The following WIPI2 variants were observed in gnomAD, a reference collection of about 807,000 sequenced individuals.
The protein encoded by WIPI2 is WD repeat domain phosphoinositide-interacting protein 2.
In WIPI2, 28 loss-of-function variants were observed where a neutral mutation model predicts 52.3. That is an observed-to-expected ratio of 0.54 (90% CI 0.40 to 0.73). WIPI2 has a LOEUF of 0.73. WIPI2 is among the 30% of genes least tolerant of loss of function. WIPI2 has a pLI of 0.00. For missense variants in WIPI2, 506 were observed against 602.9 expected, an observed-to-expected ratio of 0.84 and a Z score of 1.68; for synonymous variants, 268 against 245.0, an observed-to-expected ratio of 1.09 and a Z score of -0.88.
intron 9 of WIPI2, 153 bp downstream of exon 9, chr7:5,226,083 TC>T: frequency 1.4e-6 from 1 of 701,874 alleles, no homozygotes; most frequent in Non-Finnish European, 2.4e-6. Context: ...CACCTCCGCA[TC>T]CAGGCTCGGC....
At chr7:5,191,105 C>T (rs1445702560) in intron 1 of WIPI2, among the ~76,000 whole-genome samples, 1 of 152,008 alleles carries the variant, frequency 6.6e-6, no homozygotes, top group South Asian at 2.1e-4. Context: ...CTGCAACCTC[C>T]GCCTCCTGGG....
Position 5,229,747 on chromosome 7 carries a change from C to T in WIPI2, c.1252+9C>T, listed in dbSNP as rs567220529. On this transcript the variant is annotated intron_variant, in intron 12 of 12. Coordinates refer to ENST00000288828, the MANE Select transcript of WIPI2 (RefSeq NM_015610.4). Reference sequence around the variant, plus strand: ...ATCCCCAACGAGACTTGGTAAGGGGCGTGACGCAAACCTGGAAGGTAATTA... The same window carrying T: ...ATCCCCAACGAGACTTGGTAAGGGGTGTGACGCAAACCTGGAAGGTAATTA... 11 of 1,613,238 alleles carry T rather than the reference C, an allele frequency of 6.8e-6. No individual in the cohort carries two copies. The highest frequency in any genetic ancestry group is 2.7e-5 in the African/African-American group (2 of 75,016).
In WIPI2 at chr7:5,227,383, C is replaced by T. The variant is rs755625785; in HGVS notation, c.1013+39C>T. On this transcript the variant is annotated intron_variant, in intron 10 of 12. Coordinates refer to ENST00000288828, the MANE Select transcript of WIPI2 (RefSeq NM_015610.4). The surrounding 1 kb of genome is among the most constrained non-coding windows in gnomAD (Gnocchi z 8.1). ...GCGCCTCCGTCCCCCACCCCGTGTG[C>T]CTCAGGCCGAGGGGCCCAGTCCTGG... The T allele has an allele frequency of 6.2e-7, 1 of 1,602,724 alleles. No individual in the cohort carries two copies. The highest frequency in any genetic ancestry group is 8.5e-7 in the Non-Finnish European group (1 of 1,176,868).
At chr7:5,229,145 A>T (rs1395944740) in intron 11 of WIPI2, among the ~76,000 whole-genome samples, 1 of 152,152 alleles carries the variant, frequency 6.6e-6, no homozygotes, top group African/African-American at 2.4e-5. Context: ...CCTCCCGAGT[A>T]GCTGGGATGA....
intron 9 of WIPI2, 149 bp downstream of exon 9, chr7:5,226,079 C>T (rs1783416823): frequency 4.2e-6 from 3 of 711,910 alleles, no homozygotes; most frequent in East Asian, 2.8e-5. Flanking sequence ...CGAGCACCTC[C>T]GCATCCAGGC....
At position 5,230,516 on chromosome 7, in the gene WIPI2, G is replaced by A. The variant is rs1012970342; in HGVS notation, c.1253-319G>A. ...ATGAGCCCACCCTGAGAGTCTCCTA[G>A]TGTCATTTTTTTTCCTGGTGTTATT... On this transcript the variant is annotated intron_variant, in intron 12 of 12. Transcript: ENST00000288828. This position sits in a 1 kb window ranked among gnomAD's most constrained non-coding sequence, Gnocchi z 4.8. Among the ~76,000 whole-genome samples the A allele has an allele frequency of 1.6e-4, 25 of 152,178 alleles. No homozygotes were observed. Among genetic ancestry groups the A allele is most frequent in the African/African-American group, 6.0e-4 (25 of 41,448 alleles).
chr7:5,196,782 T>C (rs1448540804), intron 2 of WIPI2, among the ~76,000 whole-genome samples: 1 of 152,002 alleles, frequency 6.6e-6, no homozygotes, highest in East Asian at 1.9e-4. Context: ...GTGACAACTG[T>C]CGGCAAAACA....
chr7:5,210,992 C>T (rs899700720), intron 3 of WIPI2, among the ~76,000 whole-genome samples: 16 of 152,158 alleles, frequency 1.1e-4, no homozygotes, highest in Non-Finnish European at 1.6e-4. Context: ...TAGGGATACT[C>T]GACGACACTC....
chr7:5,216,712 G>A lies in WIPI2; in HGVS notation c.478+53G>A, dbSNP rs1056925322. The A allele has an allele frequency of 1.0e-5, 16 of 1,558,204 alleles. No individual in the cohort carries two copies. In the African/African-American group the frequency reaches 1.8e-4, roughly 17 times the overall value. On this transcript the variant is annotated intron_variant, in intron 5 of 12. Transcript: ENST00000288828. ...CATTTTTCTGATTTTGCCCTTGAAA[G>A]ATAGCTATAGGTGAGAGAGATTTTT...
In WIPI2 at chr7:5,229,444, C is replaced by T. The variant is rs552692662; in HGVS notation, c.1122-164C>T. ...CCATGTAAAACTCTTCATGTAAAAA[C>T]GTGTGCAGATAGACGAGATTAAAGT... On this transcript the variant is annotated intron_variant, in intron 11 of 12. Transcript: ENST00000288828. 1.0e-4 allele frequency: 70 copies of T among 687,972 alleles called. 2 individuals carry two copies. In the South Asian group the frequency reaches 1.4e-3, roughly 13 times the overall value. The allele number at this position is 687,972 out of a possible 1,614,324, so 42.6% of individuals were successfully genotyped here.
chr7:5,208,048 G>C (rs764895908), intron 3 of WIPI2, among the ~76,000 whole-genome samples: 2 of 152,178 alleles, frequency 1.3e-5, no homozygotes, highest in Non-Finnish European at 2.9e-5. Flanking sequence ...TTACAGGCGT[G>C]AGCCACCACA....
chr7:5,212,595 G>A (rs190805239), intron 3 of WIPI2, among the ~76,000 whole-genome samples: 6 of 152,258 alleles, frequency 3.9e-5, no homozygotes, highest in Admixed American at 6.5e-5. Flanking sequence ...ATGCAGGAAC[G>A]TGATCACCGC....
chr7:5,193,250 C>A (rs6463314), intron 2 of WIPI2, 79 bp downstream of exon 2: 1,485,317 of 1,579,848 alleles, frequency 0.94, 698,438 homozygotes, highest in African/African-American at 0.98. Context: ...TTTGAAATTG[C>A]AGTGAACCAG....
chr7:5,225,189 G>A (rs989123770), intron 8 of WIPI2, among the ~76,000 whole-genome samples: 20 of 151,522 alleles, frequency 1.3e-4, no homozygotes, highest in African/African-American at 4.9e-4. Context: ...CGCCCAGGCT[G>A]GAGTGCAGTG....
At chr7:5,219,509 C>G (rs1419722199) in intron 7 of WIPI2, among the ~76,000 whole-genome samples, 3 of 152,188 alleles carry the variant, frequency 2.0e-5, no homozygotes, top group African/African-American at 4.8e-5. Flanking sequence ...ATGGAATGCT[C>G]TCATCTGTGG....
intron 3 of WIPI2, among the ~76,000 whole-genome samples, chr7:5,207,805 G>A (rs935389167): frequency 9.8e-5 from 12 of 122,412 alleles, no homozygotes; most frequent in South Asian, 7.7e-4. Context: ...AGTCTCTGTC[G>A]CCCAGGCTGG....
chr7:5,202,991 C>G (rs1782105147), intron 3 of WIPI2, among the ~76,000 whole-genome samples: 1 of 152,172 alleles, frequency 6.6e-6, no homozygotes, highest in Non-Finnish European at 1.5e-5. Context: ...AGGAAAACAT[C>G]TCATAAACAT....
At chr7:5,205,325 A>G (rs1405358825) in intron 3 of WIPI2, among the ~76,000 whole-genome samples, 1 of 152,164 alleles carries the variant, frequency 6.6e-6, no homozygotes. Flanking sequence ...CTCCAGAGTG[A>G]TTGGTCGTTC....
In WIPI2 at chr7:5,216,640, G is replaced by A; in HGVS notation, c.459G>A (p.Glu153=). The change falls in exon 5 of 13, where the codon GAG becomes GAA. Residue 153 remains glutamate, a synonymous_variant. Transcript: ENST00000288828. ...RDMKVLHTIR[E]TPPNPAGLCA... ...TGAAGGTGCTGCATACGATCAGGGA[G>A]ACGCCTCCAAACCCTGCAGGTGAGC... 1.2e-6 allele frequency: 2 copies of A among 1,614,196 alleles called. No individual in the cohort carries two copies. The highest frequency in any genetic ancestry group is 1.1e-5 in the South Asian group (1 of 91,082).
Sources: allele counts gnomAD v4.1 joint callset (sites outside exome capture counted in the v4.1 genomes callset), GRCh38; gene constraint gnomAD v4.1.1; non-coding constraint Gnocchi (gnomAD v3.1); transcripts MANE v1.5; gene names NCBI Gene and HGNC (gene_info 2026-07-23, HGNC 2026-07-21).